TNFRSF11A: variants seen among roughly 807,000 people sequenced by gnomAD.
The protein encoded by TNFRSF11A is tumor necrosis factor receptor superfamily member 11A.
Under a neutral mutation model 55.7 loss-of-function variants are expected in TNFRSF11A, and 32 were observed. The ratio of observed to expected loss-of-function variants is 0.57; its 90% CI spans 0.43 to 0.77. The LOEUF (loss-of-function observed/expected upper bound fraction) is 0.77, where lower values mean the gene tolerates loss of function less well. Ranked by LOEUF, TNFRSF11A falls within the 30% of genes least tolerant of loss-of-function variation. The pLI is 0.00. For missense variants in TNFRSF11A, 753 were observed against 809.8 expected, an observed-to-expected ratio of 0.93 and a Z score of 0.85; for synonymous variants, 311 against 331.0, an observed-to-expected ratio of 0.94 and a Z score of 0.65.
At chr18:62,373,940 A>G (rs1178798692) in intron 9 of TNFRSF11A, 1 of 151,964 alleles carries the variant, frequency 6.6e-6, no homozygotes, top group African/African-American at 2.4e-5. Context: ...TCCTATCCAA[A>G]CTTACCTCCC....
chr18:62,366,620 C>T, intron 7 of TNFRSF11A, 88 bp from the exon 8 acceptor site: 2 of 1,368,284 alleles, frequency 1.5e-6, no homozygotes, highest in Non-Finnish European at 2.1e-6. Context: ...ATGTTGTATA[C>T]CTTAAATATA....
intron 1 of TNFRSF11A, among the ~76,000 whole-genome samples, chr18:62,326,246 C>G (rs2046073591): frequency 6.6e-6 from 1 of 152,188 alleles, no homozygotes; most frequent in African/African-American, 2.4e-5. Flanking sequence ...TCTGTTAACA[C>G]TAGGTTAGGC....
At chr18:62,338,449 A>T (rs970960992) in intron 1 of TNFRSF11A, among the ~76,000 whole-genome samples, 4 of 152,222 alleles carry the variant, frequency 2.6e-5, no homozygotes, top group African/African-American at 9.7e-5. Flanking sequence ...GATAAACAAG[A>T]TATGGTCTAT....
intron 9 of TNFRSF11A, among the ~76,000 whole-genome samples, chr18:62,380,799 A>G (rs950487539): frequency 1.4e-5 from 2 of 146,276 alleles, no homozygotes; most frequent in Non-Finnish European, 3.1e-5. Flanking sequence ...TTCCAAAAAT[A>G]ATATTCTTTT....
chr18:62,390,805 C>T lies in TNFRSF11A; in HGVS notation c.*5771C>T, dbSNP rs777070833. 6.6e-6 allele frequency: 1 copy of T among 152,152 alleles called. No homozygotes were observed. The highest frequency in any genetic ancestry group is 1.5e-5 in the Non-Finnish European group (1 of 68,022). 9.4% of individuals were successfully genotyped at this position (152,152 alleles called of 1,614,324 possible). A position where few individuals can be genotyped will look rare whatever the true frequency, so the allele number is the denominator to read the frequency against. On this transcript the variant is annotated 3_prime_UTR_variant, in exon 10 of 10. Coordinates refer to ENST00000586569, the MANE Select transcript of TNFRSF11A (RefSeq NM_003839.4). The stretch of plus-strand genomic sequence containing the variant: ...TGAATGTTTAAAGTTCTTAGAAGAG[C>T]TTTCTCTAAATATTTACTCTGTCAG...
At chr18:62,371,788 T>C (rs1278799616) in intron 9 of TNFRSF11A, among the ~76,000 whole-genome samples, 1 of 152,226 alleles carries the variant, frequency 6.6e-6, no homozygotes, top group Non-Finnish European at 1.5e-5. Flanking sequence ...TCATGTAGTT[T>C]TTTAAAAAGT....
chr18:62,331,786 A>G lies in TNFRSF11A; in HGVS notation c.75+6359A>G, dbSNP rs536925684. Among the ~76,000 whole-genome samples the G allele has an allele frequency of 2.6e-5, 4 of 152,246 alleles. No homozygotes were observed. In the South Asian group the frequency reaches 8.3e-4, roughly 32 times the overall value. On this transcript the variant is annotated intron_variant, in intron 1 of 9. Coordinates refer to ENST00000586569, the MANE Select transcript of TNFRSF11A (RefSeq NM_003839.4). ...AAAACTGTTTGCTTGCATGATACACATTTTCCTGGCACATTGCCGCTGCCT... is the reference window on the plus strand; with the variant it reads ...AAAACTGTTTGCTTGCATGATACACGTTTTCCTGGCACATTGCCGCTGCCT...
chr18:62,333,963 C>T (rs1320536072), intron 1 of TNFRSF11A, among the ~76,000 whole-genome samples: 1 of 151,946 alleles, frequency 6.6e-6, no homozygotes, highest in Non-Finnish European at 1.5e-5. Context: ...CTCCCCCATT[C>T]AAGCAATTCT....
chr18:62,339,569 CT>C (rs1254559753), intron 1 of TNFRSF11A, among the ~76,000 whole-genome samples: 3 of 152,174 alleles, frequency 2.0e-5, no homozygotes, highest in Non-Finnish European at 4.4e-5. Flanking sequence ...CTGTGTCCTC[CT>C]TTACAAAAGC....
chr18:62,384,222 G>T (rs12970463), intron 9 of TNFRSF11A, among the ~76,000 whole-genome samples: 2 of 151,730 alleles, frequency 1.3e-5, no homozygotes, highest in African/African-American at 4.8e-5. Flanking sequence ...AGGCTTGCTC[G>T]TTTCTCATCT....
At chr18:62,338,405 A>G (rs2046264626) in intron 1 of TNFRSF11A, among the ~76,000 whole-genome samples, 1 of 152,242 alleles carries the variant, frequency 6.6e-6, no homozygotes, top group Non-Finnish European at 1.5e-5. Context: ...GCCAAAAGGT[A>G]GAAACAACCT....
intron 8 of TNFRSF11A, chr18:62,367,297 T>C: frequency 6.0e-6 from 1 of 166,462 alleles, no homozygotes. Flanking sequence ...CTGTCATCTC[T>C]GTGTTCATGT....
In TNFRSF11A at chr18:62,386,199, A is replaced by G. The variant is rs1331198369; in HGVS notation, c.*1165A>G. The G allele has an allele frequency of 9.2e-5, 14 of 152,264 alleles. No individual in the cohort carries two copies. 9.4% of individuals were successfully genotyped at this position (152,264 alleles called of 1,614,324 possible). A position where few individuals can be genotyped will look rare whatever the true frequency, so the allele number is the denominator to read the frequency against. On this transcript the variant is annotated 3_prime_UTR_variant, in exon 10 of 10. Transcript: ENST00000586569. ...AGGTCTCTCTGGAAAAGATGGAGAA[A>G]ATGAACAGGACATGGGGCTCCTGGA...
At chr18:62,371,213 G>C (rs1247315854) in intron 9 of TNFRSF11A, among the ~76,000 whole-genome samples, 2 of 152,190 alleles carry the variant, frequency 1.3e-5, no homozygotes, top group African/African-American at 2.4e-5. Flanking sequence ...GAGCGAGAAA[G>C]CTGACGTTCT....
chr18:62,358,882 A>G (rs1909466535), intron 5 of TNFRSF11A, among the ~76,000 whole-genome samples: 1 of 152,178 alleles, frequency 6.6e-6, no homozygotes, highest in African/African-American at 2.4e-5. Context: ...TAAGTTATGT[A>G]ATAAGTTCTT....
At chr18:62,355,869 T>A (rs1026688027) in intron 4 of TNFRSF11A, among the ~76,000 whole-genome samples, 2 of 152,258 alleles carry the variant, frequency 1.3e-5, no homozygotes, top group Non-Finnish European at 1.5e-5. Context: ...GAGAAATTTG[T>A]TCACATAAAT....
intron 1 of TNFRSF11A, among the ~76,000 whole-genome samples, chr18:62,346,907 C>T (rs1268179546): frequency 6.6e-6 from 1 of 152,226 alleles, no homozygotes; most frequent in Non-Finnish European, 1.5e-5. Context: ...CTGAAGGTCT[C>T]TTACTGCCTC....
chr18:62,349,783 G>T (rs929717821), intron 2 of TNFRSF11A, 29 bp from the exon 3 acceptor site: 4 of 1,612,816 alleles, frequency 2.5e-6, no homozygotes, highest in Non-Finnish European at 3.4e-6. Context: ...TTTTTTGATG[G>T]TTGCATTTTT....
chr18:62,381,582 G>A (rs1355091506), intron 9 of TNFRSF11A, among the ~76,000 whole-genome samples: 1 of 152,176 alleles, frequency 6.6e-6, no homozygotes, highest in African/African-American at 2.4e-5. Flanking sequence ...ACCAGCAGGC[G>A]ATGATGTCGT....
Sources: allele counts gnomAD v4.1 joint callset (sites outside exome capture counted in the v4.1 genomes callset), GRCh38; gene constraint gnomAD v4.1.1; transcripts MANE v1.5; gene names NCBI Gene and HGNC (gene_info 2026-07-23, HGNC 2026-07-21).